Variants in GRIK4 observed in about 807,000 individuals in gnomAD.
GRIK4 encodes the protein glutamate receptor ionotropic, kainate 4.
In GRIK4, 40 loss-of-function variants were observed where a neutral mutation model predicts 104.9. That is an observed-to-expected ratio of 0.38 (90% confidence interval 0.30 to 0.50). The LOEUF is 0.50. Among genes scored for constraint, GRIK4 ranks in the 20% least tolerant of loss-of-function variants. GRIK4 has a pLI of 0.93. For missense variants in GRIK4, 1,047 were observed against 1,308.1 expected (o/e 0.80, Z 3.08); for synonymous variants, 485 against 524.9 (o/e 0.92, Z 1.04).
chr11:120,724,084 C>T (rs1950983729), intron 3 of GRIK4, among the ~76,000 whole-genome samples: 2 of 152,192 alleles, frequency 1.3e-5, no homozygotes, highest in African/African-American at 4.8e-5. Context: ...TGTTTTCTTT[C>T]AGTTAGCGTA....
At chr11:120,685,200 G>C (rs927216699) in intron 3 of GRIK4, among the ~76,000 whole-genome samples, 6 of 152,224 alleles carry the variant, frequency 3.9e-5, no homozygotes, top group Non-Finnish European at 8.8e-5. Flanking sequence ...TGGAGGACAA[G>C]TGAGCTTTAG....
At chr11:120,906,333 C>A (rs1942865976) in intron 13 of GRIK4, among the ~76,000 whole-genome samples, 1 of 152,244 alleles carries the variant, frequency 6.6e-6, no homozygotes, top group Non-Finnish European at 1.5e-5. Flanking sequence ...TGATCCAACT[C>A]TTTTCCCCTC....
rs1371546669 is a variant in GRIK4 at position 120,953,042 on chromosome 11, G to T, written c.1700+78G>T. On this transcript the variant is annotated intron_variant, in intron 15 of 20. Transcript: ENST00000527524. This position sits in a 1 kb window ranked among gnomAD's most constrained non-coding sequence, Gnocchi z 4.9. ...TGGGAACTGCATGGGGAGGGGGTGG[G>T]GAGGAGGAGAGGGGGAGGAGGAGTT... 1.1e-6 allele frequency: 1 copy of T among 932,494 alleles called. No homozygotes were observed. The highest frequency in any genetic ancestry group is 2.4e-5 in the East Asian group (1 of 41,516). 57.8% of individuals were successfully genotyped at this position (932,494 alleles called of 1,614,324 possible). A position where few individuals can be genotyped will look rare whatever the true frequency, so the allele number is the denominator to read the frequency against.
At chr11:120,629,259 T>G (rs1447802682) in intron 1 of GRIK4, among the ~76,000 whole-genome samples, 1 of 152,164 alleles carries the variant, frequency 6.6e-6, no homozygotes, top group Admixed American at 6.5e-5. Flanking sequence ...CCATGAAATA[T>G]CCATGTGGCC....
chr11:120,763,733 T>C (rs1951788149), intron 3 of GRIK4, among the ~76,000 whole-genome samples: 1 of 152,250 alleles, frequency 6.6e-6, no homozygotes, highest in South Asian at 2.1e-4. Context: ...GGTTGTTCAG[T>C]TTCCATGTAG....
intron 13 of GRIK4, among the ~76,000 whole-genome samples, chr11:120,907,374 G>T (rs1013534351): frequency 1.3e-5 from 2 of 152,142 alleles, no homozygotes; most frequent in African/African-American, 4.8e-5. Context: ...GGAGGACAAG[G>T]AGAGGAGTCT....
At chr11:120,772,989 A>G (rs532870841) in intron 3 of GRIK4, among the ~76,000 whole-genome samples, 2 of 152,360 alleles carry the variant, frequency 1.3e-5, no homozygotes, top group African/African-American at 4.8e-5. Flanking sequence ...ATATTTGTTG[A>G]GCATCTAGAG....
At chr11:120,600,314 A>G (rs1303542902) in intron 1 of GRIK4, among the ~76,000 whole-genome samples, 1 of 152,148 alleles carries the variant, frequency 6.6e-6, no homozygotes, top group East Asian at 1.9e-4. Context: ...GCAAGAGAGT[A>G]AGAGGTTTTA....
chr11:120,905,976 T>G lies in GRIK4; in HGVS notation c.1476+483T>G, dbSNP rs1942859310. Among the ~76,000 whole-genome samples the G allele has an allele frequency of 6.6e-6, 1 of 152,180 alleles. No individual in the cohort carries two copies. Among genetic ancestry groups the G allele is most frequent in the Non-Finnish European group, 1.5e-5 (1 of 68,034 alleles). On this transcript the variant is annotated intron_variant, in intron 13 of 20. Transcript: ENST00000527524. The surrounding 1 kb of genome is among the most constrained non-coding windows in gnomAD (Gnocchi z 5.1). The stretch of plus-strand genomic sequence containing the variant: ...AGGAGTTGGTCACAGCTACAGTTAT[T>G]TTCGTACATCTTGTGTTATCTTTGG...
intron 19 of GRIK4, among the ~76,000 whole-genome samples, chr11:120,973,826 G>A (rs1006195733): frequency 6.6e-6 from 1 of 152,214 alleles, no homozygotes; most frequent in Admixed American, 6.5e-5. Flanking sequence ...TAAATTAGCT[G>A]TCAAACTTAC....
At chr11:120,972,926 A>G (rs1250712857) in intron 19 of GRIK4, among the ~76,000 whole-genome samples, 1 of 152,270 alleles carries the variant, frequency 6.6e-6, no homozygotes, top group Middle Eastern at 3.4e-3. Flanking sequence ...CAGAGGGCCC[A>G]GTGAAAGGCC....
At position 120,972,519 on chromosome 11, in the gene GRIK4, G is replaced by A. The variant is rs181324453; in HGVS notation, c.2395+5196G>A. On this transcript the variant is annotated intron_variant, in intron 19 of 20. Coordinates refer to ENST00000527524, the MANE Select transcript of GRIK4 (RefSeq NM_014619.5). ...CAAAAAGTTAATGCTAGAAGTTAGA[G>A]TGAAAAAAAAGAGAAAGAAATAGAA... 6.6e-5 allele frequency among the ~76,000 whole-genome samples: 10 copies of A among 152,042 alleles called. No individual in the cohort carries two copies. In the East Asian group the frequency reaches 1.9e-3, roughly 29 times the overall value.
chr11:120,661,684 C>T (rs993777173), intron 3 of GRIK4, among the ~76,000 whole-genome samples: 1 of 152,174 alleles, frequency 6.6e-6, no homozygotes, highest in Non-Finnish European at 1.5e-5. Flanking sequence ...GGCCGGAAGC[C>T]CAGCCTGCAG....
chr11:120,531,464 T>C (rs1162643166), intron 1 of GRIK4, among the ~76,000 whole-genome samples: 1 of 152,206 alleles, frequency 6.6e-6, no homozygotes, highest in African/African-American at 2.4e-5. Context: ...ACACCAGCCT[T>C]GGGGTGGGTG....
In GRIK4 at chr11:120,549,616, G is replaced by A. The variant is rs1428316155; in HGVS notation, c.-159+37729G>A. Among the ~76,000 whole-genome samples, 1 of 152,220 alleles carries A rather than the reference G, an allele frequency of 6.6e-6. No homozygotes were observed. Among genetic ancestry groups the A allele is most frequent in the Non-Finnish European group, 1.5e-5 (1 of 68,044 alleles). On this transcript the variant is annotated intron_variant, in intron 1 of 20. Transcript: ENST00000527524. This position sits in a 1 kb window ranked among gnomAD's most constrained non-coding sequence, Gnocchi z 4.7. Reference sequence around the variant, plus strand: ...CTCCCGGAGCCTGGCTAGGGCGTGTGCAACAGTAAAACGCTGCTCAGCTCA... The same window carrying A: ...CTCCCGGAGCCTGGCTAGGGCGTGTACAACAGTAAAACGCTGCTCAGCTCA...
chr11:120,594,875 G>A (rs1413325049), intron 1 of GRIK4, among the ~76,000 whole-genome samples: 2 of 152,188 alleles, frequency 1.3e-5, no homozygotes, highest in African/African-American at 2.4e-5. Context: ...GCCCTCATAC[G>A]AGAGTGACTC....
intron 1 of GRIK4, among the ~76,000 whole-genome samples, chr11:120,638,328 C>T (rs1054050750): frequency 2.6e-5 from 4 of 152,152 alleles, no homozygotes; most frequent in Admixed American, 2.6e-4. Flanking sequence ...GAATTAGTAT[C>T]CCCATTTTCC....
intron 3 of GRIK4, among the ~76,000 whole-genome samples, chr11:120,777,443 C>T (rs535028465): frequency 4.3e-4 from 66 of 152,358 alleles, no homozygotes; most frequent in African/African-American, 1.4e-3. Context: ...ATTGTACCTC[C>T]GCTCCAGCCG....
chr11:120,538,823 A>G (rs191485202), intron 1 of GRIK4, among the ~76,000 whole-genome samples: 55 of 152,360 alleles, frequency 3.6e-4, no homozygotes, highest in Non-Finnish European at 5.7e-4. Context: ...TGCTGATGCC[A>G]GGCTGGGGGC....
Sources: allele counts gnomAD v4.1 joint callset (sites outside exome capture counted in the v4.1 genomes callset), GRCh38; gene constraint gnomAD v4.1.1; non-coding constraint Gnocchi (gnomAD v3.1); transcripts MANE v1.5; gene names NCBI Gene and HGNC (gene_info 2026-07-23, HGNC 2026-07-21).